Variants in MEGF11 observed in about 807,000 individuals in gnomAD.
MEGF11 encodes the protein multiple epidermal growth factor-like domains protein 11.
MEGF11 carries 126 observed loss-of-function variants against 146.6 expected under a neutral mutation model. The ratio of observed to expected loss-of-function variants is 0.86; its 90% CI spans 0.74 to 1.00. The LOEUF (loss-of-function observed/expected upper bound fraction) is 1.00. Among genes scored for constraint, MEGF11 ranks in the 50% least tolerant of loss-of-function variants. The probability of loss-of-function intolerance (pLI) is 0.00; values close to 1 mark genes in which losing one functional copy is unlikely to be tolerated. For missense variants in MEGF11, 1,509 were observed against 1,521.2 expected, an observed-to-expected ratio of 0.99 and a Z score of 0.13; for synonymous variants, 532 against 583.4, an observed-to-expected ratio of 0.91 and a Z score of 1.27.
At chr15:65,942,974 CTTTT>C (rs58874869) in intron 10 of MEGF11, among the ~76,000 whole-genome samples, 140 of 47,608 alleles carry the variant, frequency 2.9e-3, no homozygotes, top group African/African-American at 0.011. Flanking sequence ...AACAACTTGG[CTTTT>C]TTTTTTTTTT....
At position 66,251,352 on chromosome 15, in the gene MEGF11, T is replaced by A. The variant is rs967268664; in HGVS notation, c.-9+2253A>T. ...ATCCCTAATCCAGCCCCTCCCGAAG[T>A]GATTTCACCTGAGAATGCCTACATG... On this transcript the variant is annotated intron_variant, in intron 1 of 25. Transcript: ENST00000395614. Among the ~76,000 whole-genome samples the A allele has an allele frequency of 5.9e-5, 9 of 152,334 alleles. No homozygotes were observed. In the South Asian group the frequency reaches 6.2e-4, roughly 11 times the overall value.
At chr15:66,070,749 G>C (rs1293535803) in intron 5 of MEGF11, among the ~76,000 whole-genome samples, 1 of 152,170 alleles carries the variant, frequency 6.6e-6, no homozygotes, top group African/African-American at 2.4e-5. Flanking sequence ...CTGTGGAATG[G>C]GAATAACTTG....
chr15:66,221,123 AT>A (rs947884656), intron 1 of MEGF11, among the ~76,000 whole-genome samples: 8 of 150,870 alleles, frequency 5.3e-5, no homozygotes, highest in East Asian at 3.9e-4. Context: ...TTAAAAAAAA[AT>A]TTTTTTTTTA....
chr15:66,160,664 G>GAC (rs3221608), intron 1 of MEGF11, among the ~76,000 whole-genome samples: 58,561 of 137,244 alleles, frequency 0.43, 12,668 homozygotes, highest in Admixed American at 0.5. Flanking sequence ...GCCCTAAGGG[G>GAC]ACACACACAC....
intron 1 of MEGF11, among the ~76,000 whole-genome samples, chr15:66,210,950 A>G (rs2091430198): frequency 6.6e-6 from 1 of 152,198 alleles, no homozygotes; most frequent in Non-Finnish European, 1.5e-5. Flanking sequence ...GTAGTCAAGG[A>G]TGAATTTAGA....
chr15:66,076,074 T>C (rs1225569880), intron 5 of MEGF11, among the ~76,000 whole-genome samples: 1 of 152,090 alleles, frequency 6.6e-6, no homozygotes, highest in African/African-American at 2.4e-5. Flanking sequence ...AATAAACAGA[T>C]GGATGTATGC....
chr15:66,077,607 C>T (rs1473718592), intron 5 of MEGF11, among the ~76,000 whole-genome samples: 1 of 152,236 alleles, frequency 6.6e-6, no homozygotes, highest in African/African-American at 2.4e-5. Context: ...CTGCTTAGTA[C>T]CTTCCATGTG....
intron 1 of MEGF11, among the ~76,000 whole-genome samples, chr15:66,138,236 C>T (rs894691024): frequency 6.6e-6 from 1 of 152,162 alleles, no homozygotes; most frequent in Non-Finnish European, 1.5e-5. Context: ...GAGCCCTAAA[C>T]CTGCTACCCC....
At chr15:65,919,236 C>T (rs2079097911) in intron 15 of MEGF11, among the ~76,000 whole-genome samples, 1 of 152,218 alleles carries the variant, frequency 6.6e-6, no homozygotes, top group Non-Finnish European at 1.5e-5. Context: ...GGACCAGACT[C>T]TCCAGTCCAA....
intron 1 of MEGF11, among the ~76,000 whole-genome samples, chr15:66,171,845 A>T (rs1225035809): frequency 6.7e-6 from 1 of 149,784 alleles, no homozygotes; most frequent in Non-Finnish European, 1.5e-5. Flanking sequence ...ATCATTACCC[A>T]CTAATTGTCC....
At chr15:66,154,304 G>GCTCA (rs1293265207) in intron 1 of MEGF11, among the ~76,000 whole-genome samples, 8 of 152,162 alleles carry the variant, frequency 5.3e-5, no homozygotes, top group Middle Eastern at 3.4e-3. Flanking sequence ...CCTCGCGCTC[G>GCTCA]CCCACACTCC....
At chr15:66,120,019 C>T (rs2087944335) in intron 3 of MEGF11, among the ~76,000 whole-genome samples, 1 of 152,098 alleles carries the variant, frequency 6.6e-6, no homozygotes, top group African/African-American at 2.4e-5. Context: ...CTCAACTCCC[C>T]ACCCTTTGTT....
chr15:65,927,777 A>G (rs566309833), intron 13 of MEGF11, among the ~76,000 whole-genome samples: 2 of 152,354 alleles, frequency 1.3e-5, no homozygotes, highest in South Asian at 4.1e-4. Context: ...GTGAGCCACA[A>G]AGTGAACAGA....
chr15:66,204,196 G>A (rs1262562166), intron 1 of MEGF11, among the ~76,000 whole-genome samples: 1 of 152,128 alleles, frequency 6.6e-6, no homozygotes, highest in African/African-American at 2.4e-5. Context: ...GAGCCCAGGA[G>A]TTTGAAACCA....
intron 5 of MEGF11, among the ~76,000 whole-genome samples, chr15:65,990,579 AAAGG>A (rs1265145559): frequency 6.6e-6 from 1 of 151,312 alleles, no homozygotes; most frequent in African/African-American, 2.4e-5. Flanking sequence ...GCAAGGGAAG[AAAGG>A]AAAGAAAGAA....
Position 66,037,705 on chromosome 15 carries a change from C to T in MEGF11, c.395-55217G>A, listed in dbSNP as rs118162042. On this transcript the variant is annotated intron_variant, in intron 5 of 25. Transcript: ENST00000395614. ...TCTCTCCCACCATCCTGGCAGCCCT[C>T]GGCAGGCAGGAGTTTATTTCCCTTA... 6.3e-3 allele frequency among the ~76,000 whole-genome samples: 960 copies of T among 152,334 alleles called. 3 individuals are homozygous for T. Among genetic ancestry groups the T allele is most frequent in the Non-Finnish European group, 0.011 (722 of 68,026 alleles).
chr15:66,183,537 AAAAG>A (rs780042759), intron 1 of MEGF11, among the ~76,000 whole-genome samples: 5 of 125,856 alleles, frequency 4.0e-5, no homozygotes, highest in East Asian at 2.9e-4. Context: ...CCCCCTGCCA[AAAAG>A]AAAAAAAAAA....
intron 1 of MEGF11, among the ~76,000 whole-genome samples, chr15:66,132,520 A>G (rs1036945360): frequency 6.6e-6 from 1 of 152,136 alleles, no homozygotes; most frequent in Non-Finnish European, 1.5e-5. Context: ...GCTTCTCAAC[A>G]TATTTGCACT....
At chr15:66,085,095 C>T (rs1188833318) in intron 5 of MEGF11, among the ~76,000 whole-genome samples, 1 of 152,218 alleles carries the variant, frequency 6.6e-6, no homozygotes, top group Non-Finnish European at 1.5e-5. Context: ...TCAGCAGAGG[C>T]AGCCATAATC....
Sources: gnomAD v4.1 joint callset for allele counts (sites outside exome capture counted in the v4.1 genomes callset) on GRCh38, gnomAD v4.1.1 for gene constraint, MANE v1.5 for transcripts, NCBI Gene and HGNC (gene_info 2026-07-23, HGNC 2026-07-21) for gene names.